The following ZEB1 variants were observed in gnomAD, a reference collection of about 807,000 sequenced individuals.
ZEB1 encodes zinc finger E-box binding homeobox 1, also known as zinc finger E-box-binding homeobox 1.
ZEB1 carries 21 observed loss-of-function variants against 84.9 expected under a neutral mutation model. The observed-to-expected ratio is 0.25, with a 90% CI of 0.18 to 0.36. The LOEUF (loss-of-function observed/expected upper bound fraction) is 0.36, where lower values mean the gene tolerates loss of function less well. Among genes scored for constraint, ZEB1 ranks in the 10% least tolerant of loss-of-function variants. The pLI is 1.00. For synonymous variants in ZEB1, 420 were observed against 471.1 expected (o/e 0.89, Z 1.41); for missense variants, 1,104 against 1,330.2 (o/e 0.83, Z 2.65).
intron 1 of ZEB1, among the ~76,000 whole-genome samples, chr10:31,429,109 T>C (rs1193093201): frequency 6.6e-6 from 1 of 152,208 alleles, no homozygotes; most frequent in Non-Finnish European, 1.5e-5. Context: ...GTCATAATGA[T>C]GTTAGCTAGT....
At chr10:31,407,050 T>C (rs1363555961) in intron 1 of ZEB1, among the ~76,000 whole-genome samples, 2 of 152,068 alleles carry the variant, frequency 1.3e-5, no homozygotes, top group Non-Finnish European at 2.9e-5. Flanking sequence ...TCCATTAGTC[T>C]ATATGTTTTG....
intron 1 of ZEB1, among the ~76,000 whole-genome samples, chr10:31,407,043 A>G (rs1242569775): frequency 1.3e-5 from 2 of 151,750 alleles, no homozygotes; most frequent in Non-Finnish European, 2.9e-5. Flanking sequence ...GTTCTGTTCC[A>G]TTAGTCTATA....
chr10:31,459,629 A>G (rs1326061818), intron 1 of ZEB1, among the ~76,000 whole-genome samples: 2 of 152,078 alleles, frequency 1.3e-5, no homozygotes, highest in Non-Finnish European at 2.9e-5. Context: ...TATTAATGGC[A>G]TAACAAAACT....
At chr10:31,403,482 C>T (rs2052439270) in intron 1 of ZEB1, among the ~76,000 whole-genome samples, 1 of 151,256 alleles carries the variant, frequency 6.6e-6, no homozygotes, top group African/African-American at 2.4e-5. Flanking sequence ...AAACATCTGA[C>T]AAAACTAAAG....
In ZEB1 at chr10:31,520,389, G is replaced by T. The variant is rs1318380470; in HGVS notation, c.1057G>T (p.Asp353Tyr). ...TAACCAAATTAAAACTGAACCTGTG[G>T]ATTATGAATTCAAACCCATAGTGGT... ...SVNQIKTEPV[D>Y]YEFKPIVVAS... Residue 353 changes from aspartate to tyrosine, a missense_variant, in exon 7 of 9, where the codon GAT becomes TAT. Around this residue, in one of 7 missense-constraint regions of ZEB1, gnomAD observed 111 missense variants for 161.8 expected, o/e 0.69. Transcript: ENST00000424869. This position sits in a 1 kb window ranked among gnomAD's most constrained non-coding sequence, Gnocchi z 5.1. 6.2e-7 allele frequency: 1 copy of T among 1,613,886 alleles called. No individual in the cohort carries two copies.
chr10:31,357,260 T>C (rs1333448681), intron 1 of ZEB1, among the ~76,000 whole-genome samples: 2 of 152,298 alleles, frequency 1.3e-5, no homozygotes, highest in African/African-American at 4.8e-5. Flanking sequence ...AACATACTTC[T>C]AGCAACTTCA....
intron 1 of ZEB1, among the ~76,000 whole-genome samples, chr10:31,402,894 A>G (rs763204197): frequency 6.6e-6 from 1 of 152,146 alleles, no homozygotes; most frequent in Non-Finnish European, 1.5e-5. Flanking sequence ...TTGGATGTAT[A>G]AAGCCAAACT....
At chr10:31,361,978 GCTC>G (rs756296843) in intron 1 of ZEB1, among the ~76,000 whole-genome samples, 3 of 145,484 alleles carry the variant, frequency 2.1e-5, no homozygotes, top group South Asian at 2.2e-4. Context: ...GGGCAGAGGC[GCTC>G]CTCATTTCCC....
chr10:31,388,438 A>G (rs977601714), intron 1 of ZEB1, among the ~76,000 whole-genome samples: 2 of 152,130 alleles, frequency 1.3e-5, no homozygotes, highest in Non-Finnish European at 1.5e-5. Flanking sequence ...TAATTTTTCA[A>G]AACCGTTGTT....
At chr10:31,525,349 G>C (rs1427316917) in intron 8 of ZEB1, among the ~76,000 whole-genome samples, 1 of 152,126 alleles carries the variant, frequency 6.6e-6, no homozygotes, top group African/African-American at 2.4e-5. Flanking sequence ...TTTAACACCT[G>C]GTTCTCTGAA....
intron 1 of ZEB1, among the ~76,000 whole-genome samples, chr10:31,449,401 C>T (rs2060252764): frequency 6.6e-6 from 1 of 152,224 alleles, no homozygotes; most frequent in Admixed American, 6.5e-5. Context: ...GAGCTGTAGA[C>T]TGGAGCTGTT....
At chr10:31,422,209 T>A (rs2056280073) in intron 1 of ZEB1, among the ~76,000 whole-genome samples, 1 of 152,102 alleles carries the variant, frequency 6.6e-6, no homozygotes, top group Non-Finnish European at 1.5e-5. Context: ...CCAGAGAGTG[T>A]GGGAAAAGCA....
At chr10:31,471,087 C>G (rs879090763) in intron 2 of ZEB1, among the ~76,000 whole-genome samples, 5 of 126,422 alleles carry the variant, frequency 4.0e-5, no homozygotes, top group African/African-American at 1.5e-4. Flanking sequence ...AAGGAACAAC[C>G]GGTACCAGCC....
At chr10:31,429,803 G>A (rs1340700890) in intron 1 of ZEB1, among the ~76,000 whole-genome samples, 1 of 141,584 alleles carries the variant, frequency 7.1e-6, no homozygotes, top group African/African-American at 2.8e-5. Flanking sequence ...GAGTGCAATG[G>A]CATAATCTCG....
intron 1 of ZEB1, among the ~76,000 whole-genome samples, chr10:31,422,834 C>T (rs942613026): frequency 1.2e-4 from 18 of 151,942 alleles, no homozygotes; most frequent in African/African-American, 4.3e-4. Context: ...TTTGTTCCCC[C>T]CTTTGGTTGT....
chr10:31,382,172 T>C (rs920506233), intron 1 of ZEB1, among the ~76,000 whole-genome samples: 1 of 152,026 alleles, frequency 6.6e-6, no homozygotes, highest in African/African-American at 2.4e-5. Flanking sequence ...GCCACCTTGG[T>C]TTCTGCCAGT....
chr10:31,456,708 C>G (rs1208044640), intron 1 of ZEB1, among the ~76,000 whole-genome samples: 7 of 152,114 alleles, frequency 4.6e-5, no homozygotes, highest in African/African-American at 1.7e-4. Flanking sequence ...CTTAGGTACT[C>G]TGTTTTTCTT....
At chr10:31,411,515 C>G (rs1349987894) in intron 1 of ZEB1, among the ~76,000 whole-genome samples, 1 of 151,794 alleles carries the variant, frequency 6.6e-6, no homozygotes, top group Non-Finnish European at 1.5e-5. Flanking sequence ...GCCTGTAGTC[C>G]CAGCTACTCG....
chr10:31,435,042 G>C (rs1368441146), intron 1 of ZEB1, among the ~76,000 whole-genome samples: 2 of 152,198 alleles, frequency 1.3e-5, no homozygotes, highest in African/African-American at 4.8e-5. Context: ...CTTAAAAAAA[G>C]ATTATTAAGT....
Sources: allele counts gnomAD v4.1 joint callset (sites outside exome capture counted in the v4.1 genomes callset), GRCh38; gene constraint gnomAD v4.1.1; regional missense constraint gnomAD v4.1.1; non-coding constraint Gnocchi (gnomAD v3.1); transcripts MANE v1.5; gene names NCBI Gene and HGNC (gene_info 2026-07-23, HGNC 2026-07-21).